The following TMOD2 variants were observed in gnomAD, a reference collection of about 807,000 sequenced individuals.
TMOD2 encodes tropomodulin-2.
In TMOD2, 22 loss-of-function variants were observed where a neutral mutation model predicts 39.9. That is an observed-to-expected ratio of 0.55 (90% CI 0.39 to 0.79). The LOEUF is 0.79. TMOD2 is among the 30% of genes least tolerant of loss of function. TMOD2 has a pLI of 0.00. For missense variants in TMOD2, 386 were observed against 413.3 expected (o/e 0.93, Z 0.57); for synonymous variants, 123 against 146.1 (o/e 0.84, Z 1.14).
chr15:51,780,259 A>G (rs1468972955), intron 5 of TMOD2, among the ~76,000 whole-genome samples: 1 of 152,252 alleles, frequency 6.6e-6, no homozygotes, highest in East Asian at 1.9e-4. Context: ...CATTTGCATC[A>G]GATCACATTC....
chr15:51,785,316 G>A (rs2141629447), intron 7 of TMOD2, among the ~76,000 whole-genome samples: 1 of 151,658 alleles, frequency 6.6e-6, no homozygotes, highest in East Asian at 1.9e-4. Context: ...GGAGACTGAG[G>A]CAGGAGAATG....
Position 51,809,874 on chromosome 15 carries a change from A to G in TMOD2, c.*1420A>G, listed in dbSNP as rs1197685105. 2 of 152,220 alleles carry G rather than the reference A, an allele frequency of 1.3e-5. No homozygotes were observed. Among genetic ancestry groups the G allele is most frequent in the African/African-American group, 4.8e-5 (2 of 41,438 alleles). 9.4% of individuals were successfully genotyped at this position (152,220 alleles called of 1,614,324 possible). A position where few individuals can be genotyped will look rare whatever the true frequency, so the allele number is the denominator to read the frequency against. On this transcript the variant is annotated 3_prime_UTR_variant, in exon 10 of 10. Coordinates refer to ENST00000249700, the MANE Select transcript of TMOD2 (RefSeq NM_014548.4). ...CAATAAAACAAGTGAATAGGAAAATAATTAATATATTATTCTATTTAGCTT... is the reference window on the plus strand; with the variant it reads ...CAATAAAACAAGTGAATAGGAAAATGATTAATATATTATTCTATTTAGCTT...
In TMOD2 at chr15:51,785,411, CAAAAA is replaced by C. The variant is rs57631565; in HGVS notation, c.732+2601_732+2605del. Among the ~76,000 whole-genome samples the C allele has an allele frequency of 2.8e-3, 198 of 70,492 alleles. 5 individuals carry two copies. The South Asian group carries it at 0.1, about 36-fold the overall frequency. 46.2% of individuals were successfully genotyped at this position (70,492 alleles called of 152,430 possible). The stretch of plus-strand genomic sequence containing the variant: ...TGGGCAACAGAGTGAGACTCTGTCT[CAAAAA>C]AAAAAAAAAAAAAAAAAGATGAATG... On this transcript the variant is annotated intron_variant, in intron 7 of 9. Coordinates refer to ENST00000249700, the MANE Select transcript of TMOD2 (RefSeq NM_014548.4).
rs1226872146 is a variant in TMOD2, at chr15:51,776,991, A to G, written c.466A>G (p.Asn156Asp). Reference protein sequence around the residue: ...NPKFDEETANNKGGKGPVRNV... With the variant: ...NPKFDEETANDKGGKGPVRNV... ...AAAGTTCGATGAAGAAACAGCCAAC[A>G]ATAAAGGTGGCAAAGGACCTGTCAG... is the stretch of plus-strand genomic sequence containing the variant. Residue 156 changes from asparagine (N) to aspartate (D), a missense_variant, in exon 5 of 10, where the codon AAT (asparagine) becomes GAT (aspartate). Physicochemically the swap from Asn to Asp is conservative, Grantham distance 23. Transcript: ENST00000249700. 3.7e-6 allele frequency: 6 copies of G among 1,613,846 alleles called. No individual in the cohort carries two copies. Among genetic ancestry groups the G allele is most frequent in the Non-Finnish European group, 5.1e-6 (6 of 1,179,862 alleles).
chr15:51,777,855 G>C (rs1030074469), intron 5 of TMOD2, among the ~76,000 whole-genome samples: 4 of 152,176 alleles, frequency 2.6e-5, no homozygotes, highest in Admixed American at 6.5e-5. Flanking sequence ...TGGAGAGGAT[G>C]TGGAGAAATA....
chr15:51,790,843 C>T (rs866609748), intron 7 of TMOD2, among the ~76,000 whole-genome samples: 8 of 152,206 alleles, frequency 5.3e-5, no homozygotes, highest in East Asian at 1.9e-4. Context: ...TAGGTATTGA[C>T]GGAACGTATC....
intron 6 of TMOD2, 40 bp from the exon 7 acceptor site, chr15:51,782,681 T>C (rs1005242219): frequency 6.6e-7 from 1 of 1,518,422 alleles, no homozygotes; most frequent in East Asian, 2.3e-5. Context: ...GAGTGTGCCA[T>C]ACAATGGTTC....
At chr15:51,799,758 A>C (rs1372437902) in intron 8 of TMOD2, among the ~76,000 whole-genome samples, 1 of 152,206 alleles carries the variant, frequency 6.6e-6, no homozygotes, top group African/African-American at 2.4e-5. Context: ...AGAGAGAAAT[A>C]TGAAGGGAGA....
At chr15:51,769,864 A>G (rs2055841596) in intron 3 of TMOD2, among the ~76,000 whole-genome samples, 1 of 152,012 alleles carries the variant, frequency 6.6e-6, no homozygotes, top group Non-Finnish European at 1.5e-5. Flanking sequence ...GCAAAACCCC[A>G]TCTCTAAAAA....
At chr15:51,800,230 G>A (rs917780258) in intron 8 of TMOD2, among the ~76,000 whole-genome samples, 1 of 152,206 alleles carries the variant, frequency 6.6e-6, no homozygotes, top group Non-Finnish European at 1.5e-5. Context: ...ATTTAGAACA[G>A]AGCAGCTTTT....
At chr15:51,755,937 T>G (rs1204714404) in intron 1 of TMOD2, among the ~76,000 whole-genome samples, 1 of 151,878 alleles carries the variant, frequency 6.6e-6, no homozygotes, top group Non-Finnish European at 1.5e-5. Context: ...ATCAGGAAGT[T>G]AGAAGAAGCC....
chr15:51,770,510 C>T (rs75391223), intron 3 of TMOD2, among the ~76,000 whole-genome samples: 5,112 of 152,262 alleles, frequency 0.034, 138 homozygotes, highest in Non-Finnish European at 0.05. Flanking sequence ...ATCTGTACTG[C>T]AGCAGTAGGA....
chr15:51,803,184 T>TG, intron 8 of TMOD2, among the ~76,000 whole-genome samples: 1 of 139,728 alleles, frequency 7.2e-6, no homozygotes, highest in Non-Finnish European at 1.5e-5. Flanking sequence ...TTTTTTTTTT[T>TG]TTTTTTTCTT....
intron 6 of TMOD2, 27 bp downstream of exon 6, chr15:51,781,201 A>G: frequency 6.3e-7 from 1 of 1,575,836 alleles, no homozygotes; most frequent in Non-Finnish European, 8.6e-7. Context: ...ATCATCAGTC[A>G]GTTAATTTAT....
intron 6 of TMOD2, among the ~76,000 whole-genome samples, chr15:51,781,990 C>T (rs1408220357): frequency 6.6e-6 from 1 of 152,192 alleles, no homozygotes; most frequent in Non-Finnish European, 1.5e-5. Flanking sequence ...ATTAGTTGGA[C>T]TTAAAGAGTT....
Position 51,767,429 on chromosome 15 carries a change from A to G in TMOD2, c.127-833A>G, listed in dbSNP as rs1477257033. The stretch of plus-strand genomic sequence containing the variant: ...AGAATAGATTAGACTGACTATAATC[A>G]TGATACCAAGTTCATTTCAATGGAG... On this transcript the variant is annotated intron_variant, in intron 2 of 9. Coordinates refer to ENST00000249700, the MANE Select transcript of TMOD2 (RefSeq NM_014548.4). Among the ~76,000 whole-genome samples the G allele has an allele frequency of 2.0e-5, 3 of 152,278 alleles. No homozygotes were observed. The East Asian group carries it at 5.8e-4, about 29-fold the overall frequency.
At chr15:51,763,879 A>G (rs1209948480) in intron 1 of TMOD2, among the ~76,000 whole-genome samples, 7 of 152,226 alleles carry the variant, frequency 4.6e-5, no homozygotes, top group Non-Finnish European at 1.0e-4. Flanking sequence ...AATGTGGCAA[A>G]GTATGCATTT....
In TMOD2 at chr15:51,781,187, G is replaced by T. The variant is rs1389289125; in HGVS notation, c.624+13G>T. The T allele has an allele frequency of 6.3e-7, 1 of 1,586,234 alleles. No individual in the cohort carries two copies. Among genetic ancestry groups the T allele is most frequent in the Non-Finnish European group, 8.5e-7 (1 of 1,170,810 alleles). The stretch of plus-strand genomic sequence containing the variant: ...CAACAACATTAAGGTATTTCATTGT[G>T]ATTATCATCAGTCAGTTAATTTATC... On this transcript the variant is annotated intron_variant, in intron 6 of 9. Coordinates refer to ENST00000249700, the MANE Select transcript of TMOD2 (RefSeq NM_014548.4).
At chr15:51,773,587 G>A (rs1176678712) in intron 3 of TMOD2, 125 bp from the exon 4 acceptor site, 10 of 885,622 alleles carry the variant, frequency 1.1e-5, no homozygotes, top group South Asian at 1.9e-5. Flanking sequence ...CAGGAATCTC[G>A]GTTGGATATG....
Sources: allele counts gnomAD v4.1 joint callset (sites outside exome capture counted in the v4.1 genomes callset), GRCh38; gene constraint gnomAD v4.1.1; transcripts MANE v1.5; gene names NCBI Gene and HGNC (gene_info 2026-07-23, HGNC 2026-07-21).